CDH13: variants seen among roughly 807,000 people sequenced by gnomAD.
CDH13 encodes cadherin 13.
Under a neutral mutation model 63.8 loss-of-function variants are expected in CDH13, and 24 were observed. The observed-to-expected ratio is 0.38, with a 90% CI of 0.27 to 0.53. The LOEUF is 0.53. Ranked by LOEUF, CDH13 falls within the 20% of genes least tolerant of loss-of-function variation. CDH13 has a pLI of 0.85. For synonymous variants in CDH13, 503 were observed against 355.3 expected (o/e 1.42, Z -4.67); for missense variants, 1,049 against 903.1 (o/e 1.16, Z -2.07).
At chr16:83,145,094 A>G (rs2036692887) in intron 4 of CDH13, among the ~76,000 whole-genome samples, 1 of 152,184 alleles carries the variant, frequency 6.6e-6, no homozygotes, top group South Asian at 2.1e-4. Flanking sequence ...GTCTCCATCC[A>G]TATGCTGCTC....
chr16:82,650,689 G>T (rs542454920), intron 1 of CDH13, among the ~76,000 whole-genome samples: 5 of 152,280 alleles, frequency 3.3e-5, no homozygotes, highest in Non-Finnish European at 7.4e-5. Context: ...AACTGTATCT[G>T]TGCTCAGCCT....
intron 1 of CDH13, among the ~76,000 whole-genome samples, chr16:82,769,376 A>T (rs1051737305): frequency 5.3e-5 from 8 of 152,224 alleles, no homozygotes; most frequent in African/African-American, 1.9e-4. Context: ...AAAAAGAAAG[A>T]GCCAGATGGC....
At chr16:82,769,739 G>A (rs1361742945) in intron 1 of CDH13, among the ~76,000 whole-genome samples, 4 of 152,188 alleles carry the variant, frequency 2.6e-5, no homozygotes, top group Non-Finnish European at 2.9e-5. Context: ...TGCCCACCAG[G>A]TGGTGAATCA....
chr16:82,684,887 A>G (rs1287092925), intron 1 of CDH13, among the ~76,000 whole-genome samples: 3 of 151,430 alleles, frequency 2.0e-5, no homozygotes, highest in East Asian at 3.9e-4. Context: ...AGGACAAACA[A>G]CTTGGGTATT....
intron 7 of CDH13, among the ~76,000 whole-genome samples, chr16:83,560,502 G>GT (rs1379787501): frequency 6.6e-6 from 1 of 152,180 alleles, no homozygotes; most frequent in Non-Finnish European, 1.5e-5. Context: ...TGGGAAAATG[G>GT]TTGCAGGGGC....
At chr16:83,571,187 A>G (rs1490573860) in intron 7 of CDH13, among the ~76,000 whole-genome samples, 1 of 151,948 alleles carries the variant, frequency 6.6e-6, no homozygotes, top group Non-Finnish European at 1.5e-5. Context: ...GGAAATCTTC[A>G]CCCAATTTGC....
At chr16:83,673,555 G>C in intron 9 of CDH13, among the ~76,000 whole-genome samples, 1 of 150,294 alleles carries the variant, frequency 6.7e-6, no homozygotes, top group South Asian at 2.1e-4. Context: ...TGGCAACAGA[G>C]TGAGACTCTG....
chr16:83,504,404 T>C (rs771117128), intron 7 of CDH13, among the ~76,000 whole-genome samples: 1 of 152,174 alleles, frequency 6.6e-6, no homozygotes, highest in Non-Finnish European at 1.5e-5. Flanking sequence ...CACAGCAACT[T>C]TCCTATGAAA....
intron 8 of CDH13, among the ~76,000 whole-genome samples, chr16:83,616,460 T>G (rs1294605683): frequency 6.6e-6 from 1 of 151,978 alleles, no homozygotes; most frequent in East Asian, 1.9e-4. Flanking sequence ...GGCAACTCAG[T>G]GACAATAAAA....
chr16:83,087,972 T>A (rs1024575021), intron 3 of CDH13, among the ~76,000 whole-genome samples: 1 of 152,186 alleles, frequency 6.6e-6, no homozygotes, highest in African/African-American at 2.4e-5. Flanking sequence ...TGCTTGGGAC[T>A]GCCTCCGTCA....
At chr16:83,256,407 T>C (rs938119444) in intron 5 of CDH13, among the ~76,000 whole-genome samples, 1 of 152,142 alleles carries the variant, frequency 6.6e-6, no homozygotes. Context: ...CCCAACCTTG[T>C]CTTCATTTTA....
At chr16:83,229,688 C>G (rs2039948586) in intron 5 of CDH13, among the ~76,000 whole-genome samples, 1 of 152,206 alleles carries the variant, frequency 6.6e-6, no homozygotes, top group Middle Eastern at 3.4e-3. Context: ...TTCTTTCTTC[C>G]AAAGGTGCAG....
intron 1 of CDH13, among the ~76,000 whole-genome samples, chr16:82,748,914 G>GCCAATCAGA (rs2034294244): frequency 6.6e-6 from 1 of 152,094 alleles, no homozygotes. Flanking sequence ...CACCTAGTTG[G>GCCAATCAGA]CCAATCAGAT....
At position 83,486,488 on chromosome 16, in the gene CDH13, A is replaced by T. The variant is rs1309654127; in HGVS notation, c.793A>T (p.Met265Leu). ...MEGSPTGTTV[M>L]RMTAFDADDP... ...TCTTGCCCCGGTAGGCACCACAGTG[A>T]TGCGGATGACAGCCTTTGATGCAGA... is the stretch of plus-strand genomic sequence containing the variant. Residue 265 changes from methionine to leucine, a missense_variant, in exon 7 of 14, where the codon ATG becomes TTG. Met to Leu is a conservative substitution (Grantham distance 15, BLOSUM62 2). Transcript: ENST00000567109. The T allele has an allele frequency of 5.0e-6, 8 of 1,613,182 alleles. No homozygotes were observed. In the African/African-American group the frequency reaches 5.3e-5, roughly 11 times the overall value.
At chr16:82,820,595 A>G (rs550988803) in intron 1 of CDH13, among the ~76,000 whole-genome samples, 1 of 152,304 alleles carries the variant, frequency 6.6e-6, no homozygotes, top group Non-Finnish European at 1.5e-5. Context: ...TCATTTATTC[A>G]CGGAACACAT....
intron 1 of CDH13, among the ~76,000 whole-genome samples, chr16:82,707,864 A>T (rs1366223403): frequency 6.6e-6 from 1 of 152,206 alleles, no homozygotes; most frequent in Non-Finnish European, 1.5e-5. Context: ...ACCCAAAGAA[A>T]GGAGCATATG....
intron 11 of CDH13, among the ~76,000 whole-genome samples, chr16:83,771,959 G>A (rs1335548682): frequency 6.6e-6 from 1 of 152,182 alleles, no homozygotes; most frequent in African/African-American, 2.4e-5. Context: ...CTAATAAGAA[G>A]TCAATGACAC....
chr16:83,239,791 A>G (rs562782432), intron 5 of CDH13, among the ~76,000 whole-genome samples: 12 of 152,346 alleles, frequency 7.9e-5, no homozygotes, highest in Middle Eastern at 3.4e-3. Context: ...GGGAACTTAC[A>G]GCAGAAGAGC....
intron 4 of CDH13, chr16:83,171,571 A>T (rs1567473463): frequency 1.3e-6 from 2 of 1,532,834 alleles, no homozygotes; most frequent in Non-Finnish European, 1.7e-6. Context: ...ACATGAGATA[A>T]GTGCACAGGA....
Sources: allele counts gnomAD v4.1 joint callset (sites outside exome capture counted in the v4.1 genomes callset), GRCh38; gene constraint gnomAD v4.1.1; transcripts MANE v1.5; gene names NCBI Gene and HGNC (gene_info 2026-07-23, HGNC 2026-07-21).